Variants in FAT1 observed in about 807,000 individuals in gnomAD.
FAT1 encodes FAT atypical cadherin 1.
A neutral mutation model predicts 329.8 loss-of-function variants in FAT1; 171 were observed. The observed-to-expected ratio is 0.52, with a 90% CI of 0.46 to 0.59. The LOEUF is 0.59. Ranked by LOEUF, FAT1 falls within the 20% of genes least tolerant of loss-of-function variation. The probability of loss-of-function intolerance (pLI) is 0.00; values close to 1 mark genes in which losing one functional copy is unlikely to be tolerated. For missense variants in FAT1, 5,672 were observed against 5,774.4 expected (o/e 0.98, Z 0.57); for synonymous variants, 2,233 against 2,228.6 (o/e 1.00, Z -0.06).
rs778321401 is a variant in FAT1, at chr4:186,673,897, G to A, written c.3266-10284C>T. On this transcript the variant is annotated intron_variant, in intron 2 of 26. Coordinates refer to ENST00000441802, the MANE Select transcript of FAT1 (RefSeq NM_005245.4). Reference sequence around the variant, plus strand: ...TGATATTGTCAATGACGGCTTTTGTGGATAAGCTCTACTGTTAAAGAGGAT... The same window carrying A: ...TGATATTGTCAATGACGGCTTTTGTAGATAAGCTCTACTGTTAAAGAGGAT... 5.1e-4 allele frequency among the ~76,000 whole-genome samples: 77 copies of A among 152,086 alleles called. 1 individual carries two copies. Among genetic ancestry groups the A allele is most frequent in the Non-Finnish European group, 8.8e-5 (6 of 68,018 alleles).
chr4:186,591,402 C>A (rs2126366558), intron 26 of FAT1, among the ~76,000 whole-genome samples: 1 of 152,324 alleles, frequency 6.6e-6, no homozygotes, highest in Non-Finnish European at 1.5e-5. Context: ...AATACGCCGG[C>A]ATTTAGGTAA....
rs1371587704 is a variant in FAT1 at position 186,618,577 on chromosome 4, G to A, written c.8009C>T (p.Thr2670Ile). The change falls in exon 10 of 27, where the codon ACT (threonine) becomes ATT (isoleucine). Residue 2670 changes from threonine to isoleucine, a missense_variant. Coordinates refer to ENST00000441802, the MANE Select transcript of FAT1 (RefSeq NM_005245.4). ...ATTATCCACAGCTCTAACAAAGAAA[G>A]TGAAGAATTCATTTTCCAAGCCAAT... ...SLIGLENEFF[T>I]FFVRAVDNGS... 6.2e-7 allele frequency: 1 copy of A among 1,614,018 alleles called. No homozygotes were observed. Among genetic ancestry groups the A allele is most frequent in the Non-Finnish European group, 8.5e-7 (1 of 1,179,898 alleles).
rs2126696029 is a variant in FAT1 at position 186,708,381 on chromosome 4, T to C, written c.1447A>G (p.Met483Val). Residue 483 changes from methionine (M) to valine (V), a missense_variant, in exon 2 of 27, where the codon ATG becomes GTG. Transcript: ENST00000441802. ...DENVPIGTTV[M>V]SLSAVDPDEG... ...TCAGGGTCTACGGCACTCAGGCTCA[T>C]GACAGTAGTACCAATGGGCACGTTC... 3 of 1,613,986 alleles carry C rather than the reference T, an allele frequency of 1.9e-6. No individual in the cohort carries two copies. The highest frequency in any genetic ancestry group is 2.5e-6 in the Non-Finnish European group (3 of 1,179,876).
In FAT1 at chr4:186,598,260, A is replaced by G. The variant is rs1738633766; in HGVS notation, c.12104-135T>C. The stretch of plus-strand genomic sequence containing the variant: ...AAATTCTCACTCTCTCTGGGAAAAA[A>G]GTTGGCTACATCAACAAGCCTTCCA... On this transcript the variant is annotated intron_variant, in intron 22 of 26. Coordinates refer to ENST00000441802, the MANE Select transcript of FAT1 (RefSeq NM_005245.4). 4 of 843,570 alleles carry G rather than the reference A, an allele frequency of 4.7e-6. No individual in the cohort carries two copies. The East Asian group carries it at 1.1e-4, about 23-fold the overall frequency. The allele number at this position is 843,570 out of a possible 1,614,324, so 52.3% of individuals were successfully genotyped here.
chr4:186,593,862 T>G (rs940075565), intron 26 of FAT1, among the ~76,000 whole-genome samples: 7 of 151,970 alleles, frequency 4.6e-5, no homozygotes, highest in Non-Finnish European at 8.8e-5. Flanking sequence ...GGCCACAAAG[T>G]TTGTGGTAAT....
intron 2 of FAT1, among the ~76,000 whole-genome samples, chr4:186,688,114 GAAA>G (rs55834504): frequency 3.6e-5 from 2 of 55,668 alleles, no homozygotes; most frequent in African/African-American, 5.7e-5. Flanking sequence ...ACTCAAAGCT[GAAA>G]AAAAAAAAAA....
intron 20 of FAT1, among the ~76,000 whole-genome samples, chr4:186,602,392 T>C (rs1463195908): frequency 6.6e-6 from 1 of 152,252 alleles, no homozygotes; most frequent in South Asian, 2.1e-4. Flanking sequence ...TAAAGATACA[T>C]GTATAAAGAT....
At position 186,613,284 on chromosome 4, in the gene FAT1, G is replaced by A. The variant is rs775810040; in HGVS notation, c.9288C>T (p.Leu3096=). 3.3e-5 allele frequency: 53 copies of A among 1,614,000 alleles called. 1 individual carries two copies. Among genetic ancestry groups the A allele is most frequent in the South Asian group, 1.4e-4 (13 of 91,088 alleles). The change falls in exon 13 of 27, where the codon CTC becomes CTT. Residue 3096 remains leucine (L), a synonymous_variant. Coordinates refer to ENST00000441802, the MANE Select transcript of FAT1 (RefSeq NM_005245.4). ...TTCCTCCTCCATCTGTGGCCCTGAC[G>A]AGAAGATGATAAACAGCTTGCTCCT... ...DREEQAVYHL[L]VRATDGGGRF...
At position 186,707,853 on chromosome 4, in the gene FAT1, T is replaced by C. The variant is rs1225622318; in HGVS notation, c.1975A>G (p.Ile659Val). 9 of 1,613,754 alleles carry C rather than the reference T, an allele frequency of 5.6e-6. No homozygotes were observed. In the South Asian group the frequency reaches 8.8e-5, roughly 16 times the overall value. ...TGACTGGCAGCCACTGTTATGTTGA[T>C]ATATAATGGTGTGGCAAAATTTTCT... ...DGENFATPLY[I>V]NITVAASHKL... The change falls in exon 2 of 27, where the codon ATC (isoleucine) becomes GTC (valine). Residue 659 changes from isoleucine to valine, a missense_variant. Around this residue, in one of 2 missense-constraint regions of FAT1, gnomAD observed 3,966 missense variants for 3,915.2 expected, o/e 1.01. Transcript: ENST00000441802.
In FAT1 at chr4:186,619,572, G is replaced by A. The variant is rs192720031; in HGVS notation, c.7014C>T (p.Ser2338=). Residue 2338 remains serine, a synonymous_variant, in exon 10 of 27, where the codon AGC becomes AGT. Coordinates refer to ENST00000441802, the MANE Select transcript of FAT1 (RefSeq NM_005245.4). ...KSHDHFHVDS[S]TGLISLLRTL... is the part of the protein sequence containing the mutation. The stretch of plus-strand genomic sequence containing the variant: ...TTCTGAGTAGTGAGATGAGGCCAGT[G>A]CTGCTGTCTACATGAAAATGATCAT... 2 of 1,613,914 alleles carry A rather than the reference G, an allele frequency of 1.2e-6. No individual in the cohort carries two copies. Among genetic ancestry groups the A allele is most frequent in the Non-Finnish European group, 1.7e-6 (2 of 1,179,894 alleles).
rs1378543121 is a variant in FAT1, at chr4:186,706,674, A to T, written c.3154T>A (p.Leu1052Met). The change falls in exon 2 of 27, where the codon TTG becomes ATG. Residue 1052 changes from leucine (L) to methionine (M), a missense_variant. By Grantham distance (15) the Leu-to-Met change is conservative. Around this residue, in one of 2 missense-constraint regions of FAT1, gnomAD observed 3,966 missense variants for 3,915.2 expected, o/e 1.01. Transcript: ENST00000441802. ...TVKEDAPVGS[L>M]VMTVSAHDED... ...TCATGAGCCGACACCGTCATTACCAATGAACCAACAGGTGCATCTTCTTTC... is the reference window on the plus strand; with the variant it reads ...TCATGAGCCGACACCGTCATTACCATTGAACCAACAGGTGCATCTTCTTTC... 1 of 1,613,992 alleles carries T rather than the reference A, an allele frequency of 6.2e-7. No individual in the cohort carries two copies. Among genetic ancestry groups the T allele is most frequent in the Non-Finnish European group, 8.5e-7 (1 of 1,179,884 alleles).
intron 2 of FAT1, among the ~76,000 whole-genome samples, chr4:186,700,645 C>A (rs555392463): frequency 6.6e-6 from 1 of 152,126 alleles, no homozygotes; most frequent in Non-Finnish European, 1.5e-5. Flanking sequence ...TCGCAGCATC[C>A]GTAGATCATT....
At chr4:186,711,682 C>T (rs527726953) in intron 1 of FAT1, among the ~76,000 whole-genome samples, 1 of 152,080 alleles carries the variant, frequency 6.6e-6, no homozygotes, top group African/African-American at 2.4e-5. Context: ...CTTTGGGAGG[C>T]CAATGCAGCC....
chr4:186,715,016 T>A (rs2126714851), intron 1 of FAT1, among the ~76,000 whole-genome samples: 1 of 152,200 alleles, frequency 6.6e-6, no homozygotes, highest in East Asian at 1.9e-4. Flanking sequence ...AGACGGAGGT[T>A]GCACTGAGCT....
At chr4:186,675,782 A>AACACACACACAC (rs66981811) in intron 2 of FAT1, among the ~76,000 whole-genome samples, 5 of 143,110 alleles carry the variant, frequency 3.5e-5, no homozygotes, top group African/African-American at 5.1e-5. Context: ...CCCTGTCTAA[A>AACACACACACAC]ACACACACAC....
At chr4:186,609,716 C>G in intron 15 of FAT1, 85 bp downstream of exon 15, 2 of 946,380 alleles carry the variant, frequency 2.1e-6, no homozygotes, top group South Asian at 1.5e-5. Flanking sequence ...AAGGCCGCTA[C>G]AAAAACTAGA....
At chr4:186,643,522 C>T (rs895675095) in intron 3 of FAT1, among the ~76,000 whole-genome samples, 8 of 152,092 alleles carry the variant, frequency 5.3e-5, no homozygotes, top group East Asian at 1.9e-4. Context: ...ACCCCCTCTG[C>T]GAAAAATTAC....
rs371314505 is a variant in FAT1 at position 186,602,188 on chromosome 4, A to G, written c.11482+715T>C. 4.6e-5 allele frequency among the ~76,000 whole-genome samples: 7 copies of G among 152,336 alleles called. No homozygotes were observed. In the East Asian group the frequency reaches 9.6e-4, roughly 21 times the overall value. On this transcript the variant is annotated intron_variant, in intron 20 of 26. Coordinates refer to ENST00000441802, the MANE Select transcript of FAT1 (RefSeq NM_005245.4). ...TAGATGGTGGGGAATTTGTTTTATAATCGAAAATGTTCAATGATGTCAAAA... is the reference window on the plus strand; with the variant it reads ...TAGATGGTGGGGAATTTGTTTTATAGTCGAAAATGTTCAATGATGTCAAAA...
rs2126704273 is a variant in FAT1, at chr4:186,709,445, T to C, written c.383A>G (p.Asn128Ser). 1 of 1,613,988 alleles carries C rather than the reference T, an allele frequency of 6.2e-7. No homozygotes were observed. Among genetic ancestry groups the C allele is most frequent in the Non-Finnish European group, 8.5e-7 (1 of 1,179,902 alleles). ...LIVKALEKNT[N>S]VEARTKVRVQ... ...CCTGACCTTTGTTCGCGCCTCCACATTAGTATTTTTTTCAAGTGCTTTCAC... is the reference window on the plus strand; with the variant it reads ...CCTGACCTTTGTTCGCGCCTCCACACTAGTATTTTTTTCAAGTGCTTTCAC... The change falls in exon 2 of 27, where the codon AAT (asparagine) becomes AGT (serine). Residue 128 changes from asparagine (N) to serine (S), a missense_variant. Asn to Ser is a conservative substitution (Grantham distance 46, BLOSUM62 1). Coordinates refer to ENST00000441802, the MANE Select transcript of FAT1 (RefSeq NM_005245.4).
Sources: allele counts gnomAD v4.1 joint callset (sites outside exome capture counted in the v4.1 genomes callset), GRCh38; gene constraint gnomAD v4.1.1; regional missense constraint gnomAD v4.1.1; transcripts MANE v1.5; gene names NCBI Gene and HGNC (gene_info 2026-07-23, HGNC 2026-07-21).